The following ADORA2B variants were observed in gnomAD, a reference collection of about 807,000 sequenced individuals.
ADORA2B encodes the protein adenosine receptor A2b.
Under a neutral mutation model 20.8 loss-of-function variants are expected in ADORA2B, and 18 were observed. The ratio of observed to expected loss-of-function variants is 0.87; its 90% CI spans 0.60 to 1.29. ADORA2B has a LOEUF of 1.29. Ranked by LOEUF, ADORA2B falls within the 50% of genes most tolerant of loss-of-function variation. The probability of loss-of-function intolerance (pLI) is 0.00; values close to 1 mark genes in which losing one functional copy is unlikely to be tolerated. For missense variants in ADORA2B, 441 were observed against 422.7 expected (o/e 1.04, Z -0.38); for synonymous variants, 179 against 178.3 (o/e 1.00, Z -0.03).
At chr17:15,883,142 CAGG>C in the ADORA2B span, among the ~76,000 whole-genome samples, 12 of 152,282 alleles carry the variant, frequency 7.9e-5, 1 homozygote, top group South Asian at 2.5e-3. Context: ...AAGAGGTTAA[CAGG>C]GGGCTGAAGT....
At chr17:15,858,163 T>C in the ADORA2B span, among the ~76,000 whole-genome samples, 1 of 152,178 alleles carries the variant, frequency 6.6e-6, no homozygotes, top group African/African-American at 2.4e-5. Flanking sequence ...TCTATTGTTA[T>C]GTTTTTGAGG....
At chr17:15,856,418 G>A in the ADORA2B span, among the ~76,000 whole-genome samples, 4 of 152,194 alleles carry the variant, frequency 2.6e-5, no homozygotes, top group South Asian at 2.1e-4. Flanking sequence ...CTTTATAGCC[G>A]CGTGAAAACT....
the ADORA2B span, among the ~76,000 whole-genome samples, chr17:15,902,471 T>G: frequency 6.6e-6 from 1 of 152,246 alleles, no homozygotes; most frequent in South Asian, 2.1e-4. Flanking sequence ...GTGCTGGGAT[T>G]ACAGGCATGA....
upstream of ADORA2B, among the ~76,000 whole-genome samples, chr17:15,941,771 G>A (rs959047534): frequency 6.6e-6 from 1 of 151,164 alleles, no homozygotes; most frequent in African/African-American, 2.4e-5. Flanking sequence ...ACTCTCTTCG[G>A]ATTCCACCCT....
At chr17:15,868,771 C>G in the ADORA2B span, among the ~76,000 whole-genome samples, 4 of 147,026 alleles carry the variant, frequency 2.7e-5, no homozygotes, top group East Asian at 7.9e-4. Context: ...CAGAGTGAGA[C>G]TCCATCTCCA....
At chr17:15,945,093 G>T, upstream of ADORA2B, 1 of 572,434 alleles carries the variant, frequency 1.7e-6, no homozygotes, top group East Asian at 3.9e-5. Context: ...GCCCCGACCC[G>T]TGGGTCCCGG....
chr17:15,884,675 G>A, the ADORA2B span, among the ~76,000 whole-genome samples: 1 of 152,070 alleles, frequency 6.6e-6, no homozygotes, highest in Non-Finnish European at 1.5e-5. Context: ...GCAGTGTTTG[G>A]TTTTCTCTTC....
At chr17:15,905,648 T>A in the ADORA2B span, among the ~76,000 whole-genome samples, 47 of 149,684 alleles carry the variant, frequency 3.1e-4, no homozygotes, top group African/African-American at 9.9e-4. Context: ...CTAAATGAGC[T>A]ACTGCACCCA....
chr17:15,876,746 T>C, the ADORA2B span, among the ~76,000 whole-genome samples: 1 of 152,144 alleles, frequency 6.6e-6, no homozygotes, highest in Non-Finnish European at 1.5e-5. Flanking sequence ...CACTTCAGTT[T>C]TCTTACTTTA....
At chr17:15,880,620 G>A in the ADORA2B span, among the ~76,000 whole-genome samples, 1 of 150,110 alleles carries the variant, frequency 6.7e-6, no homozygotes, top group Non-Finnish European at 1.5e-5. Context: ...TCGGACAGCA[G>A]CCTACAAGGG....
chr17:15,904,734 G>A, the ADORA2B span, among the ~76,000 whole-genome samples: 1 of 152,110 alleles, frequency 6.6e-6, no homozygotes, highest in Non-Finnish European at 1.5e-5. Context: ...TTATTTTTGT[G>A]TAAACAATAA....
At chr17:15,878,349 C>G in the ADORA2B span, among the ~76,000 whole-genome samples, 32,251 of 152,132 alleles carry the variant, frequency 0.21, 3,954 homozygotes, top group Non-Finnish European at 0.28. Context: ...TTGCTGTTCC[C>G]TTCTGTGGCT....
intron 1 of ADORA2B, among the ~76,000 whole-genome samples, chr17:15,963,824 T>C (rs143285021): frequency 7.9e-5 from 12 of 152,328 alleles, no homozygotes; most frequent in African/African-American, 2.9e-4. Context: ...CCTGCATTGC[T>C]CATCTTTTGT....
chr17:15,862,669 C>A, the ADORA2B span, among the ~76,000 whole-genome samples: 1 of 152,080 alleles, frequency 6.6e-6, no homozygotes, highest in Non-Finnish European at 1.5e-5. Flanking sequence ...TTTGGTATCT[C>A]TCCCAGCCCC....
At chr17:15,970,282 G>A (rs555764688) in intron 1 of ADORA2B, among the ~76,000 whole-genome samples, 1 of 152,346 alleles carries the variant, frequency 6.6e-6, no homozygotes, top group Admixed American at 6.5e-5. Flanking sequence ...GAGGTTTACA[G>A]AGAAGGCAGT....
the ADORA2B span, among the ~76,000 whole-genome samples, chr17:15,891,963 T>C: frequency 6.7e-6 from 1 of 149,688 alleles, no homozygotes; most frequent in African/African-American, 2.5e-5. Flanking sequence ...TTCTTCTGCC[T>C]CAGCCTTCCC....
the ADORA2B span, among the ~76,000 whole-genome samples, chr17:15,872,739 G>C: frequency 6.6e-6 from 1 of 152,102 alleles, no homozygotes; most frequent in Non-Finnish European, 1.5e-5. Context: ...CTACTTCTTT[G>C]TGTACATTGA....
At chr17:15,880,025 G>A in the ADORA2B span, among the ~76,000 whole-genome samples, 1 of 148,992 alleles carries the variant, frequency 6.7e-6, no homozygotes, top group East Asian at 1.9e-4. Context: ...TTGTTTTGGT[G>A]AAAGTCTTCT....
chr17:15,886,082 T>A, the ADORA2B span, among the ~76,000 whole-genome samples: 1 of 152,176 alleles, frequency 6.6e-6, no homozygotes, highest in Non-Finnish European at 1.5e-5. Flanking sequence ...CTCATATCAG[T>A]TAACCTACAG....
Sources: allele counts gnomAD v4.1 joint callset (sites outside exome capture counted in the v4.1 genomes callset), GRCh38; gene constraint gnomAD v4.1.1; transcripts MANE v1.5; gene names NCBI Gene and HGNC (gene_info 2026-07-23, HGNC 2026-07-21).